PDE8B: variants seen among roughly 807,000 people sequenced by gnomAD.
PDE8B encodes high affinity cAMP-specific and IBMX-insensitive 3',5'-cyclic phosphodiesterase 8B.
PDE8B carries 26 observed loss-of-function variants against 101.3 expected under a neutral mutation model. The ratio of observed to expected loss-of-function variants is 0.26; its 90% CI spans 0.19 to 0.36. PDE8B has a LOEUF of 0.36. PDE8B is among the 10% of genes least tolerant of loss of function. The pLI, the probability that PDE8B is intolerant of heterozygous loss-of-function variation, is 1.00. For missense variants in PDE8B, 810 were observed against 1,163.1 expected (o/e 0.70, Z 4.42); for synonymous variants, 424 against 429.3 (o/e 0.99, Z 0.15).
At chr5:77,208,482 A>T (rs190054114), upstream of PDE8B, among the ~76,000 whole-genome samples, 21 of 152,074 alleles carry the variant, frequency 1.4e-4, no homozygotes, top group African/African-American at 5.1e-4. Flanking sequence ...TTGCAATTTA[A>T]CTCTGATGTT....
rs946278620 is a variant in PDE8B, at chr5:77,251,569, G to T, written c.339+40305G>T. On this transcript the variant is annotated intron_variant, in intron 1 of 21. Transcript: ENST00000264917. ...GTCCATGGATTGATGTCTCTGATTG[G>T]CTGTAAATTATTTTCAGTTATGACT... Among the ~76,000 whole-genome samples the T allele has an allele frequency of 3.5e-4, 53 of 152,122 alleles. 1 individual carries two copies. The highest frequency in any genetic ancestry group is 1.2e-3 in the African/African-American group (51 of 41,418).
At chr5:77,313,335 T>C (rs1055131061) in intron 2 of PDE8B, among the ~76,000 whole-genome samples, 14 of 148,718 alleles carry the variant, frequency 9.4e-5, no homozygotes, top group Non-Finnish European at 2.1e-4. Context: ...GAAAATTTGA[T>C]GAAAACAAAT....
At position 77,211,308 on chromosome 5, in the gene PDE8B, C is replaced by G. The variant is rs779533364; in HGVS notation, c.339+44C>G. On this transcript the variant is annotated intron_variant, in intron 1 of 21. Transcript: ENST00000264917. The surrounding 1 kb of genome is among the most constrained non-coding windows in gnomAD (Gnocchi z 4.1). ...CACACGCCGTGGGGGCCGTCCGCCC[C>G]GTCGGCGGGGCTCGCACGGGTAGGG... The G allele has an allele frequency of 6.0e-6, 9 of 1,511,190 alleles. No individual in the cohort carries two copies. The highest frequency in any genetic ancestry group is 3.7e-5 in the South Asian group (3 of 81,808). The allele number at this position is 1,511,190 out of a possible 1,614,324, so 93.6% of individuals were successfully genotyped here.
intron 1 of PDE8B, among the ~76,000 whole-genome samples, chr5:77,227,505 A>G (rs1752654801): frequency 6.6e-6 from 1 of 152,158 alleles, no homozygotes. Context: ...AAAGGCACCC[A>G]TGAGAGAGAG....
intron 10 of PDE8B, among the ~76,000 whole-genome samples, chr5:77,353,820 C>A (rs1270505522): frequency 6.6e-6 from 1 of 152,164 alleles, no homozygotes; most frequent in East Asian, 1.9e-4. Context: ...CTTACCCTTA[C>A]ATCATACAGA....
intron 1 of PDE8B, among the ~76,000 whole-genome samples, chr5:77,271,418 T>C (rs1431849632): frequency 6.6e-6 from 1 of 152,152 alleles, no homozygotes; most frequent in Non-Finnish European, 1.5e-5. Flanking sequence ...GGAATCTAGA[T>C]GACAAATGGT....
At chr5:77,393,141 C>G (rs1790289022) in intron 10 of PDE8B, among the ~76,000 whole-genome samples, 1 of 152,142 alleles carries the variant, frequency 6.6e-6, no homozygotes, top group South Asian at 2.1e-4. Context: ...CGCCTGTAAT[C>G]CCAGCACTTT....
chr5:77,350,548 C>G (rs1363948264), intron 8 of PDE8B, among the ~76,000 whole-genome samples: 1 of 151,954 alleles, frequency 6.6e-6, no homozygotes, highest in African/African-American at 2.4e-5. Flanking sequence ...CTAAGAGGAG[C>G]CAGAGTAACC....
rs554849587 is a variant in PDE8B at position 77,378,414 on chromosome 5, G to A, written c.1168-21834G>A. 5.6e-4 allele frequency among the ~76,000 whole-genome samples: 74 copies of A among 131,858 alleles called. 1 individual carries two copies. In the South Asian group the frequency reaches 0.015, roughly 27 times the overall value. 86.5% of individuals were successfully genotyped at this position (131,858 alleles called of 152,430 possible). On this transcript the variant is annotated intron_variant, in intron 10 of 21. Transcript: ENST00000264917. ...GCAGAGGTTGCAGTGAACTGAGATC[G>A]CGCCACCGCACTCCAGCCTGGCGAC...
At chr5:77,218,725 G>A (rs941428968) in intron 1 of PDE8B, among the ~76,000 whole-genome samples, 3 of 152,166 alleles carry the variant, frequency 2.0e-5, no homozygotes, top group Non-Finnish European at 4.4e-5. Flanking sequence ...ACAACATGTT[G>A]TCATTATTTT....
At chr5:77,360,608 A>G (rs1351019582) in intron 10 of PDE8B, among the ~76,000 whole-genome samples, 1 of 152,260 alleles carries the variant, frequency 6.6e-6, no homozygotes, top group Non-Finnish European at 1.5e-5. Flanking sequence ...AGTGGAAGAT[A>G]CAGGATGGAT....
At chr5:77,282,282 T>A (rs1044967866) in intron 1 of PDE8B, among the ~76,000 whole-genome samples, 1 of 151,710 alleles carries the variant, frequency 6.6e-6, no homozygotes, top group African/African-American at 2.4e-5. Flanking sequence ...TTCCCAAGAG[T>A]GGACAGCCAG....
chr5:77,378,462 A>G (rs1233118888), intron 10 of PDE8B, among the ~76,000 whole-genome samples: 10 of 115,420 alleles, frequency 8.7e-5, no homozygotes, highest in African/African-American at 6.0e-4. Flanking sequence ...CATCTAAAAA[A>G]AAAAAAAAAA....
intron 11 of PDE8B, among the ~76,000 whole-genome samples, chr5:77,403,996 G>T (rs1004673228): frequency 2.0e-5 from 3 of 149,186 alleles, no homozygotes; most frequent in East Asian, 4.0e-4. Flanking sequence ...TTTTTTGTTG[G>T]TTTTTTTGAG....
chr5:77,245,764 T>C (rs1261380211), intron 1 of PDE8B, among the ~76,000 whole-genome samples: 2 of 151,606 alleles, frequency 1.3e-5, no homozygotes, highest in Non-Finnish European at 2.9e-5. Context: ...TGATAACTTA[T>C]CTGAGATCAT....
chr5:77,339,353 G>A (rs1455242750), intron 6 of PDE8B, among the ~76,000 whole-genome samples: 1 of 152,194 alleles, frequency 6.6e-6, no homozygotes, highest in East Asian at 1.9e-4. Flanking sequence ...AGGTTTGCCT[G>A]GCACAGAGAT....
chr5:77,351,175 CTT>C (rs759728392), intron 9 of PDE8B, 22 bp downstream of exon 9: 3 of 1,560,918 alleles, frequency 1.9e-6, no homozygotes, highest in African/African-American at 1.4e-5. Context: ...CTGTTCAACT[CTT>C]TTAGCTGAAG....
intron 1 of PDE8B, among the ~76,000 whole-genome samples, chr5:77,233,306 G>A (rs913974385): frequency 6.6e-6 from 1 of 152,056 alleles, no homozygotes; most frequent in African/African-American, 2.4e-5. Context: ...TATGGAAATG[G>A]TGCCACAGGC....
chr5:77,341,347 G>T (rs183046096), intron 6 of PDE8B, among the ~76,000 whole-genome samples: 35 of 152,142 alleles, frequency 2.3e-4, no homozygotes, highest in Admixed American at 2.2e-3. Flanking sequence ...GTCTTATGGG[G>T]CTTTATACTT....
Sources: allele counts gnomAD v4.1 joint callset (sites outside exome capture counted in the v4.1 genomes callset), GRCh38; gene constraint gnomAD v4.1.1; non-coding constraint Gnocchi (gnomAD v3.1); transcripts MANE v1.5; gene names NCBI Gene and HGNC (gene_info 2026-07-23, HGNC 2026-07-21).